Variants in KDR observed in about 807,000 individuals in gnomAD.
KDR encodes vascular endothelial growth factor receptor 2.
KDR carries 43 observed loss-of-function variants against 160.9 expected under a neutral mutation model. That is an observed-to-expected ratio of 0.27 (90% CI 0.21 to 0.34). The LOEUF is 0.34. Among genes scored for constraint, KDR ranks in the 10% least tolerant of loss-of-function variants. KDR has a pLI of 1.00. For synonymous variants in KDR, 617 were observed against 600.1 expected, an observed-to-expected ratio of 1.03 and a Z score of -0.41; for missense variants, 1,469 against 1,666.4, an observed-to-expected ratio of 0.88 and a Z score of 2.06.
chr4:55,108,676 T>C (rs896010409), intron 9 of KDR, among the ~76,000 whole-genome samples: 2 of 133,866 alleles, frequency 1.5e-5, no homozygotes, highest in Admixed American at 8.2e-5. Context: ...CATCTGAGTT[T>C]TTCATTCTCT....
chr4:55,090,788 T>C (rs569894108), intron 22 of KDR, among the ~76,000 whole-genome samples: 2 of 152,050 alleles, frequency 1.3e-5, no homozygotes, highest in East Asian at 3.9e-4. Context: ...CTCCACATGA[T>C]ATTTTGTAAG....
In KDR at chr4:55,080,058, C is replaced by T. The variant is rs778816654; in HGVS notation, c.3954G>A (p.Val1318=). The part of the protein sequence containing the change: ...GYHSDDTDTT[V]YSSEEAELLK... ...AAAGTTCTGCTTCCTCACTGGAGTA[C>T]ACGGTGGTGTCTGTGTCATCGGAGT... Residue 1318 remains valine, a synonymous_variant, in exon 30 of 30, where the codon GTG becomes GTA. Transcript: ENST00000263923. 5.6e-6 allele frequency: 9 copies of T among 1,614,184 alleles called. No homozygotes were observed. Among genetic ancestry groups the T allele is most frequent in the South Asian group, 1.1e-5 (1 of 91,074 alleles).
intron 7 of KDR, among the ~76,000 whole-genome samples, chr4:55,111,195 T>G (rs1436765951): frequency 1.3e-5 from 2 of 152,184 alleles, no homozygotes; most frequent in African/African-American, 4.8e-5. Flanking sequence ...GCCTCAGGTT[T>G]AAAGTATCAT....
At chr4:55,107,687 G>A (rs2110025197) in intron 10 of KDR, 50 bp downstream of exon 10, 1 of 1,611,668 alleles carries the variant, frequency 6.2e-7, no homozygotes, top group Admixed American at 1.7e-5. Context: ...TAGCTCAGCT[G>A]TAAGAAATGC....
At chr4:55,108,198 C>CAAAAAA (rs10693062) in intron 9 of KDR, among the ~76,000 whole-genome samples, 1 of 115,224 alleles carries the variant, frequency 8.7e-6, no homozygotes, top group Admixed American at 8.6e-5. Context: ...CCATCTCTAC[C>CAAAAAA]AAAAAAAAAA....
At chr4:55,088,445 G>A (rs147523439) in intron 26 of KDR, among the ~76,000 whole-genome samples, 2 of 152,286 alleles carry the variant, frequency 1.3e-5, no homozygotes, top group East Asian at 3.9e-4. Flanking sequence ...AAATCTTCCA[G>A]TGGAAGTTAT....
chr4:55,095,078 G>A, intron 20 of KDR, 123 bp from the exon 21 acceptor site: 1 of 963,572 alleles, frequency 1.0e-6, no homozygotes, highest in Non-Finnish European at 1.6e-6. Flanking sequence ...AGACAAGGAG[G>A]ACATCAATTT....
Position 55,125,550 on chromosome 4 carries a change from G to A in KDR, c.-257C>T. On this transcript the variant is annotated 5_prime_UTR_variant, in exon 1 of 30. Transcript: ENST00000263923. ...GATGCCCGGCGCAGGCAGAGGAAAC[G>A]CAGCGACCACACATTGACCGCTCTC... 1.7e-6 allele frequency: 1 copy of A among 598,306 alleles called. No homozygotes were observed. Among genetic ancestry groups the A allele is most frequent in the Non-Finnish European group, 3.0e-6 (1 of 335,516 alleles). The allele number at this position is 598,306 out of a possible 1,614,324, so 37.1% of individuals were successfully genotyped here.
intron 17 of KDR, 145 bp downstream of exon 17, chr4:55,097,992 G>A: frequency 8.7e-7 from 1 of 1,144,996 alleles, no homozygotes; most frequent in Non-Finnish European, 1.3e-6. Context: ...GTGGCTATAT[G>A]AATGATTATA....
At position 55,080,062 on chromosome 4, in the gene KDR, G is replaced by A. The variant is rs377287206; in HGVS notation, c.3950C>T (p.Thr1317Ile). Residue 1317 changes from threonine (T) to isoleucine (I), a missense_variant, in exon 30 of 30, where the codon ACC becomes ATC. Thr to Ile is a moderately conservative substitution (Grantham distance 89, BLOSUM62 -1). This residue lies in a region of KDR where 229 missense variants were observed against 197.8 expected (regional missense o/e 1.16). Transcript: ENST00000263923. ...TTCTGCTTCCTCACTGGAGTACACG[G>A]TGGTGTCTGTGTCATCGGAGTGATA... The part of the protein sequence containing the change: ...SGYHSDDTDT[T>I]VYSSEEAELL... 1.2e-6 allele frequency: 2 copies of A among 1,614,028 alleles called. No individual in the cohort carries two copies. Among genetic ancestry groups the A allele is most frequent in the African/African-American group, 2.7e-5 (2 of 74,918 alleles).
At chr4:55,093,313 T>C (rs1431319831) in intron 21 of KDR, among the ~76,000 whole-genome samples, 1 of 152,182 alleles carries the variant, frequency 6.6e-6, no homozygotes, top group Non-Finnish European at 1.5e-5. Flanking sequence ...TTTACGTAAA[T>C]TGGTGGTATT....
intron 21 of KDR, 124 bp downstream of exon 21, chr4:55,094,678 A>AGGTCTCTTTC: frequency 1.1e-6 from 1 of 903,146 alleles, no homozygotes; most frequent in Non-Finnish European, 1.9e-6. Flanking sequence ...ATAGAAATTC[A>AGGTCTCTTTC]GGTCTCTTTC....
chr4:55,111,183 T>C (rs554260437), intron 7 of KDR, among the ~76,000 whole-genome samples: 56 of 152,188 alleles, frequency 3.7e-4, no homozygotes, highest in Admixed American at 2.0e-4. Context: ...CACCTTCCTC[T>C]AGCCTCAGGT....
chr4:55,102,300 T>A, intron 14 of KDR, 62 bp downstream of exon 14: 1 of 1,559,284 alleles, frequency 6.4e-7, no homozygotes, highest in Non-Finnish European at 8.8e-7. Flanking sequence ...ATAATATGGC[T>A]TTTTAGATAA....
At chr4:55,092,372 T>G (rs1720040887) in intron 22 of KDR, 1 of 501,260 alleles carries the variant, frequency 2.0e-6, no homozygotes, top group African/African-American at 1.9e-5. Flanking sequence ...GTATCCTCAG[T>G]GCTCAGAAGA....
chr4:55,095,710 T>C (rs1250172557), intron 19 of KDR, 45 bp from the exon 20 acceptor site: 2 of 1,379,552 alleles, frequency 1.4e-6, no homozygotes, highest in African/African-American at 2.8e-5. Context: ...TTCACTCATA[T>C]TCCTCACTAA....
intron 12 of KDR, 34 bp from the exon 13 acceptor site, chr4:55,105,018 A>T: frequency 6.4e-7 from 1 of 1,555,854 alleles, no homozygotes; most frequent in Non-Finnish European, 8.8e-7. Context: ...TTGAATGGTG[A>T]TTTAACTTGG....
intron 22 of KDR, among the ~76,000 whole-genome samples, chr4:55,091,197 A>G (rs1266593601): frequency 6.6e-6 from 1 of 152,180 alleles, no homozygotes; most frequent in Non-Finnish European, 1.5e-5. Context: ...CATGTAAGCC[A>G]GGCATTGCTG....
intron 9 of KDR, among the ~76,000 whole-genome samples, chr4:55,110,036 A>G (rs1720538540): frequency 6.6e-6 from 1 of 152,204 alleles, no homozygotes; most frequent in Non-Finnish European, 1.5e-5. Flanking sequence ...ATCTAAGGAG[A>G]AGGGTCTTAC....
Sources: allele counts gnomAD v4.1 joint callset (sites outside exome capture counted in the v4.1 genomes callset), GRCh38; gene constraint gnomAD v4.1.1; regional missense constraint gnomAD v4.1.1; transcripts MANE v1.5; gene names NCBI Gene and HGNC (gene_info 2026-07-23, HGNC 2026-07-21).